The following BTRC variants were observed in gnomAD, a reference collection of about 807,000 sequenced individuals.
The protein encoded by BTRC is beta-transducin repeat containing E3 ubiquitin protein ligase.
In BTRC, 42 loss-of-function variants were observed where a neutral mutation model predicts 85.5. The ratio of observed to expected loss-of-function variants is 0.49; its 90% CI spans 0.38 to 0.64. The LOEUF is 0.64. Among genes scored for constraint, BTRC ranks in the 30% least tolerant of loss-of-function variants. The probability of loss-of-function intolerance (pLI) is 0.00; values close to 1 mark genes in which losing one functional copy is unlikely to be tolerated. For synonymous variants in BTRC, 255 were observed against 263.3 expected, an observed-to-expected ratio of 0.97 and a Z score of 0.30; for missense variants, 594 against 743.5, an observed-to-expected ratio of 0.80 and a Z score of 2.34.
At chr10:101,411,328 G>T (rs1943772440) in intron 1 of BTRC, among the ~76,000 whole-genome samples, 1 of 152,120 alleles carries the variant, frequency 6.6e-6, no homozygotes, top group African/African-American at 2.4e-5. Flanking sequence ...GTATGGGTTG[G>T]TCTATTATCA....
chr10:101,399,051 C>T (rs1943432862), intron 1 of BTRC, among the ~76,000 whole-genome samples: 1 of 152,188 alleles, frequency 6.6e-6, no homozygotes, highest in Admixed American at 6.5e-5. Flanking sequence ...CTCCTGGGCT[C>T]AAGCGATTCT....
At chr10:101,510,519 C>CA (rs71305543) in intron 4 of BTRC, among the ~76,000 whole-genome samples, 39,494 of 141,088 alleles carry the variant, frequency 0.28, 6,086 homozygotes, top group South Asian at 0.42. Flanking sequence ...TAAAAAAAAA[C>CA]AAAAAAAAAA....
At chr10:101,400,949 G>A (rs1433834039) in intron 1 of BTRC, among the ~76,000 whole-genome samples, 1 of 151,690 alleles carries the variant, frequency 6.6e-6, no homozygotes, top group Admixed American at 6.6e-5. Context: ...TCTTCCCACC[G>A]AACACTGCAA....
chr10:101,469,321 C>A (rs1168286283), intron 3 of BTRC, among the ~76,000 whole-genome samples: 1 of 152,092 alleles, frequency 6.6e-6, no homozygotes, highest in African/African-American at 2.4e-5. Flanking sequence ...TGTGTTACTT[C>A]CTTGGGAGAT....
intron 2 of BTRC, among the ~76,000 whole-genome samples, chr10:101,442,324 G>GAGAT (rs1307726052): frequency 6.6e-6 from 1 of 150,440 alleles, no homozygotes; most frequent in Admixed American, 6.7e-5. Context: ...GTGTGTAAAT[G>GAGAT]AGATAATTCC....
chr10:101,416,483 G>C (rs984544501), intron 1 of BTRC, among the ~76,000 whole-genome samples: 2 of 152,146 alleles, frequency 1.3e-5, no homozygotes, highest in Non-Finnish European at 2.9e-5. Flanking sequence ...AGGCATCTCT[G>C]TTTTTGGTGC....
At chr10:101,492,958 A>G (rs1483389268) in intron 4 of BTRC, among the ~76,000 whole-genome samples, 2 of 152,218 alleles carry the variant, frequency 1.3e-5, no homozygotes, top group Non-Finnish European at 2.9e-5. Flanking sequence ...GTGAGATTTT[A>G]TAAAACTGAT....
At chr10:101,354,301 C>G in intron 1 of BTRC, 73 bp downstream of exon 1, 1 of 1,509,624 alleles carries the variant, frequency 6.6e-7, no homozygotes, top group Non-Finnish European at 9.0e-7. Flanking sequence ...GGGCCGCCCG[C>G]CCACTGCGGG....
At chr10:101,407,280 T>G (rs1221684756) in intron 1 of BTRC, among the ~76,000 whole-genome samples, 2 of 152,170 alleles carry the variant, frequency 1.3e-5, no homozygotes, top group African/African-American at 4.8e-5. Context: ...CTCAGGAGTT[T>G]GAGGTTCTAG....
intron 1 of BTRC, among the ~76,000 whole-genome samples, chr10:101,420,456 T>C (rs1037167879): frequency 1.3e-5 from 2 of 151,900 alleles, no homozygotes; most frequent in African/African-American, 4.8e-5. Context: ...TGCCTCTCCC[T>C]CTCTTAATGC....
chr10:101,460,704 C>G (rs1945201168), intron 2 of BTRC, among the ~76,000 whole-genome samples: 2 of 152,018 alleles, frequency 1.3e-5, no homozygotes, highest in African/African-American at 4.8e-5. Context: ...AATGTAATAT[C>G]TAATAGAAAC....
intron 4 of BTRC, among the ~76,000 whole-genome samples, chr10:101,482,192 A>G (rs1019409767): frequency 1.3e-5 from 2 of 150,988 alleles, no homozygotes; most frequent in Admixed American, 1.3e-4. Flanking sequence ...GCTAATTTTT[A>G]TATTTTTAAG....
chr10:101,408,093 T>A (rs1163334894), intron 1 of BTRC, among the ~76,000 whole-genome samples: 2 of 152,202 alleles, frequency 1.3e-5, no homozygotes, highest in Admixed American at 1.3e-4. Flanking sequence ...ATTAAGTTTT[T>A]AAAAATCAAT....
At chr10:101,505,650 A>T (rs989949844) in intron 4 of BTRC, among the ~76,000 whole-genome samples, 22 of 151,632 alleles carry the variant, frequency 1.5e-4, no homozygotes, top group South Asian at 6.2e-4. Context: ...ATAATAATAA[A>T]AAAACAAATA....
At chr10:101,471,726 T>C (rs1263197076) in intron 3 of BTRC, among the ~76,000 whole-genome samples, 1 of 152,184 alleles carries the variant, frequency 6.6e-6, no homozygotes, top group Non-Finnish European at 1.5e-5. Flanking sequence ...TTGTGAAAGA[T>C]TTTTTAAACT....
rs1168359266 is a variant in BTRC at position 101,367,008 on chromosome 10, A to T, written c.48+12780A>T. Among the ~76,000 whole-genome samples, 11 of 79,242 alleles carry T rather than the reference A, an allele frequency of 1.4e-4. 1 individual carries two copies. The highest frequency in any genetic ancestry group is 5.5e-4 in the East Asian group (2 of 3,642). The allele number at this position is 79,242 out of a possible 152,430, so 52.0% of individuals were successfully genotyped here. On this transcript the variant is annotated intron_variant, in intron 1 of 14. Coordinates refer to ENST00000370187, the MANE Select transcript of BTRC (RefSeq NM_033637.4). Reference sequence around the variant, plus strand: ...TTTATATATATTAATATATATATTTATATATATATTTATATTTATATATTT... The same window carrying T: ...TTTATATATATTAATATATATATTTTTATATATATTTATATTTATATATTT...
intron 2 of BTRC, among the ~76,000 whole-genome samples, chr10:101,442,262 A>ATCTCTCTCTCTCTCTCTC (rs10531761): frequency 0.022 from 2,774 of 127,794 alleles, 32 homozygotes; most frequent in Admixed American, 0.034. Context: ...TTGAATTAGA[A>ATCTCTCTCTCTCTCTCTC]TCTCTCTCTC....
At chr10:101,424,736 T>C (rs1162983685) in intron 1 of BTRC, among the ~76,000 whole-genome samples, 4 of 152,186 alleles carry the variant, frequency 2.6e-5, no homozygotes, top group Non-Finnish European at 2.9e-5. Context: ...AATTGTGCCA[T>C]TGAACCTGAT....
At chr10:101,539,707 G>T (rs2062438282) in intron 13 of BTRC, among the ~76,000 whole-genome samples, 1 of 152,164 alleles carries the variant, frequency 6.6e-6, no homozygotes, top group South Asian at 2.1e-4. Context: ...CAGATGACTA[G>T]GTCATATGGT....
Sources: allele counts gnomAD v4.1 joint callset (sites outside exome capture counted in the v4.1 genomes callset), GRCh38; gene constraint gnomAD v4.1.1; transcripts MANE v1.5; gene names NCBI Gene and HGNC (gene_info 2026-07-23, HGNC 2026-07-21).